BCCIP: variants seen among roughly 807,000 people sequenced by gnomAD.
BCCIP encodes the protein BRCA2 and CDKN1A-interacting protein.
In BCCIP, 23 loss-of-function variants were observed where a neutral mutation model predicts 32.8. The ratio of observed to expected loss-of-function variants is 0.70; its 90% confidence interval spans 0.51 to 0.99. The LOEUF is 0.99. Among genes scored for constraint, BCCIP ranks in the 50% least tolerant of loss-of-function variants. The probability of loss-of-function intolerance (pLI) is 0.00; values close to 1 mark genes in which losing one functional copy is unlikely to be tolerated. For missense variants in BCCIP, 378 were observed against 379.8 expected (o/e 1.00, Z 0.04); for synonymous variants, 144 against 137.6 (o/e 1.05, Z -0.33).
At chr10:125,832,734 C>T (rs1854551148) in intron 5 of BCCIP, among the ~76,000 whole-genome samples, 1 of 151,610 alleles carries the variant, frequency 6.6e-6, no homozygotes, top group African/African-American at 2.4e-5. Flanking sequence ...TTCCAGGCTG[C>T]AATATACTAT....
At chr10:125,839,636 ATATTT>A (rs1227373806), downstream of BCCIP, among the ~76,000 whole-genome samples, 22 of 152,182 alleles carry the variant, frequency 1.4e-4, no homozygotes, top group African/African-American at 5.1e-4. Context: ...AAAATATCTC[ATATTT>A]TATTTAATGA....
chr10:125,829,744 T>C (rs114828520), intron 3 of BCCIP, among the ~76,000 whole-genome samples: 2,077 of 152,350 alleles, frequency 0.014, 49 homozygotes, highest in African/African-American at 0.046. Flanking sequence ...ATGTGATCTC[T>C]AGCTGATTCG....
intron 7 of BCCIP, among the ~76,000 whole-genome samples, chr10:125,852,059 T>A (rs545927382): frequency 9.8e-5 from 15 of 152,304 alleles, no homozygotes; most frequent in Middle Eastern, 3.4e-3. Flanking sequence ...TGCTGCAGTG[T>A]CCAACAGCAG....
downstream of BCCIP, among the ~76,000 whole-genome samples, chr10:125,844,191 G>T (rs899803896): frequency 6.6e-6 from 1 of 152,202 alleles, no homozygotes; most frequent in Non-Finnish European, 1.5e-5. Context: ...AGTAACAGCC[G>T]ATCTGCTGGA....
At chr10:125,825,447 C>T (rs1171195934) in intron 1 of BCCIP, 1 of 152,118 alleles carries the variant, frequency 6.6e-6, no homozygotes, top group Non-Finnish European at 1.5e-5. Context: ...TTAGTTTGAT[C>T]CTGTTTGGAA....
At chr10:125,832,769 C>A (rs1180535088) in intron 5 of BCCIP, among the ~76,000 whole-genome samples, 1 of 151,452 alleles carries the variant, frequency 6.6e-6, no homozygotes, top group Non-Finnish European at 1.5e-5. Context: ...ATAGCCACTG[C>A]ACGCCAGCCT....
At chr10:125,831,325 T>A (rs1854515911) in intron 4 of BCCIP, 95 bp from the exon 5 acceptor site, 5 of 1,264,412 alleles carry the variant, frequency 4.0e-6, no homozygotes, top group Non-Finnish European at 5.5e-6. Context: ...AAACTGCCCT[T>A]AGCTGTAAGA....
intron 6 of BCCIP, among the ~76,000 whole-genome samples, chr10:125,835,783 T>A (rs1156658777): frequency 1.3e-5 from 2 of 152,186 alleles, no homozygotes; most frequent in Non-Finnish European, 2.9e-5. Context: ...AAATATCAAA[T>A]TTTACAAGTC....
At chr10:125,847,236 G>T (rs145411270), downstream of BCCIP, among the ~76,000 whole-genome samples, 23 of 151,188 alleles carry the variant, frequency 1.5e-4, 1 homozygote, top group African/African-American at 5.3e-4. Context: ...CCATGGAAGG[G>T]AGGGAGGGAG....
chr10:125,836,693 G>GA, downstream of BCCIP: 1 of 1,613,972 alleles, frequency 6.2e-7, no homozygotes. Context: ...GGAGTCACTG[G>GA]AGAGTGCATC....
chr10:125,851,242 A>G (rs1944085400), intron 7 of BCCIP, among the ~76,000 whole-genome samples: 1 of 152,184 alleles, frequency 6.6e-6, no homozygotes, highest in South Asian at 2.1e-4. Context: ...AATGAGTCAG[A>G]ATTAATCCAC....
At chr10:125,853,430 AAAGT>A (rs1944117756) in exon 8 of BCCIP, 1 of 326,882 alleles carries the variant, frequency 3.1e-6, no homozygotes, top group East Asian at 5.1e-5. Context: ...TTTTAATTTA[AAAGT>A]AATAAAGAAT....
chr10:125,829,111 T>C (rs933002486), intron 3 of BCCIP, among the ~76,000 whole-genome samples: 1 of 152,204 alleles, frequency 6.6e-6, no homozygotes, highest in Non-Finnish European at 1.5e-5. Context: ...GAAAAGTACC[T>C]AGGTCACTTT....
chr10:125,824,171 C>T (rs1854286347), intron 1 of BCCIP, among the ~76,000 whole-genome samples: 1 of 152,170 alleles, frequency 6.6e-6, no homozygotes, highest in South Asian at 2.1e-4. Context: ...TTCAAATGCT[C>T]TTCTTTATCC....
rs565469666 is a variant in BCCIP at position 125,834,210 on chromosome 10, A to T, written c.774+264A>T. Among the ~76,000 whole-genome samples the T allele has an allele frequency of 6.6e-5, 10 of 152,334 alleles. No individual in the cohort carries two copies. The South Asian group carries it at 1.9e-3, about 28-fold the overall frequency. On this transcript the variant is annotated intron_variant, in intron 6 of 6. Coordinates refer to ENST00000278100, the MANE Select transcript of BCCIP (RefSeq NM_078468.3). ...AAAAGTGATTAACCTGTTAAGAATG[A>T]TTAGGCATTTATAATATGCTTCCTG...
At chr10:125,833,386 G>T (rs1196201345) in intron 5 of BCCIP, among the ~76,000 whole-genome samples, 1 of 152,194 alleles carries the variant, frequency 6.6e-6, no homozygotes, top group African/African-American at 2.4e-5. Context: ...ATTGGTTGTG[G>T]CTGTATACCT....
downstream of BCCIP, among the ~76,000 whole-genome samples, chr10:125,843,803 G>A (rs748776393): frequency 6.6e-6 from 1 of 152,178 alleles, no homozygotes; most frequent in Non-Finnish European, 1.5e-5. Flanking sequence ...TCAGCCTGAC[G>A]CGCCCACCAC....
At chr10:125,832,373 G>T (rs1854542168) in intron 5 of BCCIP, among the ~76,000 whole-genome samples, 1 of 151,998 alleles carries the variant, frequency 6.6e-6, no homozygotes, top group Non-Finnish European at 1.5e-5. Context: ...TTTCTCAGAG[G>T]TCATAGCCCT....
At chr10:125,838,670 T>C (rs537681848), downstream of BCCIP, among the ~76,000 whole-genome samples, 7 of 152,274 alleles carry the variant, frequency 4.6e-5, no homozygotes, top group South Asian at 1.2e-3. Context: ...CTTAGCACGC[T>C]ACCCACCATA....
Sources: gnomAD v4.1 joint callset for allele counts (sites outside exome capture counted in the v4.1 genomes callset) on GRCh38, gnomAD v4.1.1 for gene constraint, MANE v1.5 for transcripts, NCBI Gene and HGNC (gene_info 2026-07-23, HGNC 2026-07-21) for gene names.